The following MTHFD2L variants were observed in gnomAD, a reference collection of about 807,000 sequenced individuals.
The protein encoded by MTHFD2L is bifunctional methylenetetrahydrofolate dehydrogenase/cyclohydrolase 2, mitochondrial.
Under a neutral mutation model 34.9 loss-of-function variants are expected in MTHFD2L, and 29 were observed. The ratio of observed to expected loss-of-function variants is 0.83; its 90% CI spans 0.62 to 1.13. MTHFD2L has a LOEUF of 1.13. Among genes scored for constraint, MTHFD2L ranks in the 50% most tolerant of loss-of-function variants. The pLI, the probability that MTHFD2L is intolerant of heterozygous loss-of-function variation, is 0.00. For missense variants in MTHFD2L, 481 were observed against 446.5 expected (o/e 1.08, Z -0.70); for synonymous variants, 167 against 155.7 (o/e 1.07, Z -0.54).
chr4:74,246,244 T>C (rs1742427950), intron 6 of MTHFD2L, among the ~76,000 whole-genome samples: 1 of 151,972 alleles, frequency 6.6e-6, no homozygotes, highest in African/African-American at 2.4e-5. Context: ...ATGAGCATTT[T>C]TTCGTGTGTC....
intron 1 of MTHFD2L, chr4:74,143,261 T>C (rs2109838390): frequency 4.2e-6 from 1 of 236,324 alleles, no homozygotes; most frequent in East Asian, 1.8e-4. Flanking sequence ...CGTGCACTGA[T>C]TCCTCACAGC....
At chr4:74,196,911 A>C (rs1733577183) in intron 3 of MTHFD2L, among the ~76,000 whole-genome samples, 1 of 149,446 alleles carries the variant, frequency 6.7e-6, no homozygotes, top group African/African-American at 2.5e-5. Context: ...ATACCACTGC[A>C]CTCCAGCCTG....
intron 6 of MTHFD2L, among the ~76,000 whole-genome samples, chr4:74,258,436 A>G (rs963004931): frequency 6.6e-6 from 1 of 152,074 alleles, no homozygotes; most frequent in African/African-American, 2.4e-5. Context: ...CTTAAACAAC[A>G]TGGTTTTGAA....
At chr4:74,273,805 C>T (rs952744516) in intron 6 of MTHFD2L, among the ~76,000 whole-genome samples, 89 of 152,114 alleles carry the variant, frequency 5.9e-4, no homozygotes, top group African/African-American at 2.0e-3. Context: ...CCTGCCTCAG[C>T]CCCCCATGGC....
At chr4:74,189,485 C>CCTTTTTTTTTTTTTTTTTT (rs1168720652) in intron 3 of MTHFD2L, among the ~76,000 whole-genome samples, 2 of 119,824 alleles carry the variant, frequency 1.7e-5, no homozygotes, top group Non-Finnish European at 3.2e-5. Context: ...GTTTTTCTTC[C>CCTTTTTTTTTTTTTTTTTT]TTTTTTTTTT....
At chr4:74,141,595 G>C (rs554957322) in intron 1 of MTHFD2L, among the ~76,000 whole-genome samples, 155 of 152,284 alleles carry the variant, frequency 1.0e-3, no homozygotes, top group Non-Finnish European at 1.8e-3. Context: ...CATTCATTGA[G>C]AAACACTGAC....
rs746150326 is a variant in MTHFD2L, at chr4:74,267,321, TTC to T, written c.806-14098_806-14097del. 77 of 758,478 alleles carry T rather than the reference TTC, an allele frequency of 1.0e-4. No homozygotes were observed. The East Asian group carries it at 1.0e-3, about 10-fold the overall frequency. The allele number at this position is 758,478 out of a possible 1,614,324, so 47.0% of individuals were successfully genotyped here. On this transcript the variant is annotated intron_variant, in intron 6 of 7. Transcript: ENST00000325278. ...TTTCTTTTCTTTTCTTTCTTTCTCT[TTC>T]TCTCTTTCTTTCTTCCTTTCTTTCT...
At chr4:74,228,338 T>C (rs1739497749) in intron 6 of MTHFD2L, among the ~76,000 whole-genome samples, 1 of 152,184 alleles carries the variant, frequency 6.6e-6, no homozygotes, top group Admixed American at 6.6e-5. Context: ...AAAGAGGAAT[T>C]TGAATGCTCA....
upstream of MTHFD2L, chr4:74,158,046 C>T: frequency 2.0e-6 from 3 of 1,517,804 alleles, no homozygotes; most frequent in Non-Finnish European, 2.7e-6. Context: ...TGCTGCCCTG[C>T]CAGCCCGGGT....
At chr4:74,284,081 G>A (rs1185701500) in intron 7 of MTHFD2L, among the ~76,000 whole-genome samples, 1 of 152,110 alleles carries the variant, frequency 6.6e-6, no homozygotes, top group Non-Finnish European at 1.5e-5. Flanking sequence ...AAAATCAATC[G>A]TTGAAGTAAA....
rs191028050 is a variant in MTHFD2L, at chr4:74,245,738, T to G, written c.805+20344T>G. Among the ~76,000 whole-genome samples the G allele has an allele frequency of 2.9e-3, 436 of 152,304 alleles. 12 individuals are homozygous for G. The highest frequency in any genetic ancestry group is 0.027 in the Admixed American group (408 of 15,300). ...TGAGAACACGTGGTGTTTGGTTTTTTGTCCTTGTGATAGTTTACTGAGAAT... is the reference window on the plus strand; with the variant it reads ...TGAGAACACGTGGTGTTTGGTTTTTGGTCCTTGTGATAGTTTACTGAGAAT... On this transcript the variant is annotated intron_variant, in intron 6 of 7. Transcript: ENST00000325278.
chr4:74,143,350 A>G lies in MTHFD2L; in HGVS notation c.-296-16705A>G, dbSNP rs758190804. On this transcript the variant is annotated intron_variant, in intron 1 of 7. Coordinates refer to the MTHFD2L transcript ENST00000433372. Reference sequence around the variant, plus strand: ...GGTGACAGTGAAGGCAAAGAAATATACTCTTTGAGAAAAATATTTGTGACC... The same window carrying G: ...GGTGACAGTGAAGGCAAAGAAATATGCTCTTTGAGAAAAATATTTGTGACC... 1,034 of 914,010 alleles carry G rather than the reference A, an allele frequency of 1.1e-3. 1 individual carries two copies. The highest frequency in any genetic ancestry group is 1.3e-3 in the Non-Finnish European group (974 of 765,076). 56.6% of individuals were successfully genotyped at this position (914,010 alleles called of 1,614,324 possible).
chr4:74,301,184 A>C (rs999191654), intron 7 of MTHFD2L, among the ~76,000 whole-genome samples: 11 of 152,118 alleles, frequency 7.2e-5, no homozygotes, highest in Non-Finnish European at 1.2e-4. Context: ...TCTGAACAGG[A>C]CTATGTATGT....
At chr4:74,233,720 C>T (rs937494008) in intron 6 of MTHFD2L, among the ~76,000 whole-genome samples, 1 of 152,028 alleles carries the variant, frequency 6.6e-6, no homozygotes, top group African/African-American at 2.4e-5. Context: ...TAAGCAAAAA[C>T]ATTTTTCCAA....
At chr4:74,121,618 A>G (rs941665224), upstream of MTHFD2L, among the ~76,000 whole-genome samples, 14 of 145,564 alleles carry the variant, frequency 9.6e-5, no homozygotes, top group African/African-American at 3.3e-4. Context: ...ATTTAATTAT[A>G]TATAATTAAT....
upstream of MTHFD2L, among the ~76,000 whole-genome samples, chr4:74,121,314 A>G (rs1383283510): frequency 1.3e-5 from 2 of 152,114 alleles, no homozygotes; most frequent in African/African-American, 4.8e-5. Flanking sequence ...ACAACTTCAA[A>G]TCTCCATACA....
At chr4:74,165,004 AT>A in intron 1 of MTHFD2L, 1 of 985,360 alleles carries the variant, frequency 1.0e-6, no homozygotes, top group Non-Finnish European at 1.2e-6. Flanking sequence ...GGTCAAATGG[AT>A]TTTATTTTTG....
chr4:74,290,680 C>T (rs1374619244), intron 7 of MTHFD2L, among the ~76,000 whole-genome samples: 1 of 151,888 alleles, frequency 6.6e-6, no homozygotes, highest in African/African-American at 2.4e-5. Context: ...GGGTACATTG[C>T]TCACGTTTTC....
At position 74,302,537 on chromosome 4, in the gene MTHFD2L, G is replaced by A. The variant is rs1330085895; in HGVS notation, c.*728G>A. ...GCCACAGTAAAAATACATGAAGAAT[G>A]TGTTAGGTTTAAACGTCGTTTCTTT... On this transcript the variant is annotated 3_prime_UTR_variant, in exon 8 of 8. Coordinates refer to ENST00000325278, the MANE Select transcript of MTHFD2L (RefSeq NM_001144978.3). 1 of 152,100 alleles carries A rather than the reference G, an allele frequency of 6.6e-6. No homozygotes were observed. The highest frequency in any genetic ancestry group is 1.5e-5 in the Non-Finnish European group (1 of 67,994). 9.4% of individuals were successfully genotyped at this position (152,100 alleles called of 1,614,324 possible).
Sources: gnomAD v4.1 joint callset for allele counts (sites outside exome capture counted in the v4.1 genomes callset) on GRCh38, gnomAD v4.1.1 for gene constraint, MANE v1.5 for transcripts, NCBI Gene and HGNC (gene_info 2026-07-23, HGNC 2026-07-21) for gene names.